The following CHST8 variants were observed in gnomAD, a reference collection of about 807,000 sequenced individuals.
CHST8 encodes the protein carbohydrate sulfotransferase 8, also known as GALNAC-4-ST1.
CHST8 carries 10 observed loss-of-function variants against 15.0 expected under a neutral mutation model. The observed-to-expected ratio is 0.67, with a 90% CI of 0.41 to 1.13. The LOEUF is 1.13. Ranked by LOEUF, CHST8 falls within the 50% of genes most tolerant of loss-of-function variation. The probability of loss-of-function intolerance (pLI) is 0.00; values close to 1 mark genes in which losing one functional copy is unlikely to be tolerated. For synonymous variants in CHST8, 259 were observed against 256.6 expected (o/e 1.01, Z -0.09); for missense variants, 634 against 608.2 (o/e 1.04, Z -0.45).
At chr19:33,683,172 C>T (rs1041697156) in intron 2 of CHST8, among the ~76,000 whole-genome samples, 1 of 152,204 alleles carries the variant, frequency 6.6e-6, no homozygotes, top group Non-Finnish European at 1.5e-5. Flanking sequence ...CAACCAGACC[C>T]CACCTCCAAC....
intron 1 of CHST8, among the ~76,000 whole-genome samples, chr19:33,644,580 A>AT (rs1000774416): frequency 1.3e-5 from 2 of 151,490 alleles, no homozygotes; most frequent in South Asian, 2.1e-4. Context: ...AAAAAAAAAA[A>AT]TTTTTTTTTA....
chr19:33,632,565 G>A (rs1417087292), intron 1 of CHST8, among the ~76,000 whole-genome samples: 2 of 152,062 alleles, frequency 1.3e-5, no homozygotes, highest in Non-Finnish European at 2.9e-5. Context: ...ACAGAAAAGC[G>A]AACAGATCCT....
intron 1 of CHST8, among the ~76,000 whole-genome samples, chr19:33,642,762 A>G (rs1007985795): frequency 1.3e-5 from 2 of 152,270 alleles, no homozygotes; most frequent in Non-Finnish European, 2.9e-5. Flanking sequence ...GTGTTGGCAT[A>G]CATTGTCCCA....
chr19:33,695,077 G>A (rs775552124), intron 3 of CHST8, among the ~76,000 whole-genome samples: 16 of 151,808 alleles, frequency 1.1e-4, no homozygotes, highest in East Asian at 1.9e-4. Flanking sequence ...TACCTGAGCC[G>A]CTGAGACCAC....
intron 1 of CHST8, among the ~76,000 whole-genome samples, chr19:33,624,116 G>T (rs374049636): frequency 6.6e-6 from 1 of 152,136 alleles, no homozygotes; most frequent in East Asian, 1.9e-4. Context: ...AATCAGACTC[G>T]GCAAGAGTGA....
chr19:33,737,703 G>T (rs1426261812), intron 3 of CHST8, among the ~76,000 whole-genome samples: 1 of 151,988 alleles, frequency 6.6e-6, no homozygotes, highest in East Asian at 1.9e-4. Context: ...GTCCTCCTAG[G>T]TCCTCCTAGG....
chr19:33,722,482 A>G (rs1405424549), intron 3 of CHST8, among the ~76,000 whole-genome samples: 1 of 152,186 alleles, frequency 6.6e-6, no homozygotes, highest in East Asian at 1.9e-4. Flanking sequence ...CTCTCAGGAA[A>G]CAGGTTGAAA....
intron 1 of CHST8, among the ~76,000 whole-genome samples, chr19:33,623,741 T>C (rs1476538123): frequency 6.6e-6 from 1 of 152,186 alleles, no homozygotes; most frequent in Admixed American, 6.5e-5. Flanking sequence ...CTGCCCACCC[T>C]GTGCCCTGTC....
intron 3 of CHST8, among the ~76,000 whole-genome samples, chr19:33,741,153 G>A (rs1974182761): frequency 6.6e-6 from 1 of 152,322 alleles, no homozygotes; most frequent in African/African-American, 2.4e-5. Context: ...CTGGCCTGCT[G>A]CTGCTGTCAA....
At chr19:33,706,660 C>T (rs916407558) in intron 3 of CHST8, among the ~76,000 whole-genome samples, 1 of 152,190 alleles carries the variant, frequency 6.6e-6, no homozygotes, top group African/African-American at 2.4e-5. Context: ...TAACCCCTTG[C>T]CCACGACCCG....
intron 3 of CHST8, among the ~76,000 whole-genome samples, chr19:33,748,911 G>A (rs1397662333): frequency 6.6e-6 from 1 of 152,152 alleles, no homozygotes; most frequent in Non-Finnish European, 1.5e-5. Context: ...GAAGGCATCA[G>A]GACCGAAGGC....
intron 3 of CHST8, among the ~76,000 whole-genome samples, chr19:33,722,384 TA>T (rs1267618554): frequency 2.0e-5 from 3 of 151,988 alleles, no homozygotes; most frequent in African/African-American, 4.8e-5. Flanking sequence ...GACGGATGGG[TA>T]GGTACATGTA....
At chr19:33,687,929 C>A (rs1973014384) in intron 2 of CHST8, among the ~76,000 whole-genome samples, 1 of 152,332 alleles carries the variant, frequency 6.6e-6, no homozygotes, top group Middle Eastern at 3.4e-3. Context: ...AACAGCCACC[C>A]AGCTGTGGCC....
At chr19:33,730,309 A>G (rs761817516) in intron 3 of CHST8, among the ~76,000 whole-genome samples, 2 of 152,256 alleles carry the variant, frequency 1.3e-5, no homozygotes, top group African/African-American at 4.8e-5. Flanking sequence ...GCAAGGTTGA[A>G]GCAGGGAGAC....
intron 1 of CHST8, among the ~76,000 whole-genome samples, chr19:33,650,892 A>G (rs1972439943): frequency 6.6e-6 from 1 of 152,078 alleles, no homozygotes; most frequent in Non-Finnish European, 1.5e-5. Flanking sequence ...TATTTTTAGT[A>G]GAGATGGGGG....
chr19:33,662,063 C>CT (rs1307299331), intron 1 of CHST8, among the ~76,000 whole-genome samples: 1 of 151,576 alleles, frequency 6.6e-6, no homozygotes, highest in African/African-American at 2.4e-5. Context: ...AGGATGATTT[C>CT]TTTTTTTTCT....
rs538672799 is a variant in CHST8 at position 33,639,400 on chromosome 19, G to A, written c.-164+17104G>A. Among the ~76,000 whole-genome samples the A allele has an allele frequency of 1.1e-3, 161 of 152,240 alleles. 1 individual carries two copies. The highest frequency in any genetic ancestry group is 3.8e-3 in the African/African-American group (157 of 41,552). On this transcript the variant is annotated intron_variant, in intron 1 of 4. Transcript: ENST00000650847. The stretch of plus-strand genomic sequence containing the variant: ...GGGGCATGGCACTGGGATGGTGTGG[G>A]GGCTGCAGAGGTGGCCAGGAGGAGC...
chr19:33,629,830 AGG>A (rs911884242), intron 1 of CHST8, among the ~76,000 whole-genome samples: 7 of 152,216 alleles, frequency 4.6e-5, no homozygotes, highest in African/African-American at 1.7e-4. Context: ...GCCCCCTCCC[AGG>A]GCTGATTCCT....
rs185846153 is a variant in CHST8, at chr19:33,745,197, G to A, written c.131-26216G>A. Among the ~76,000 whole-genome samples the A allele has an allele frequency of 2.2e-3, 339 of 152,292 alleles. 1 individual carries two copies. The highest frequency in any genetic ancestry group is 2.9e-3 in the Non-Finnish European group (200 of 68,014). ...AGTGCCTGGCCTCTGCTACTCTTAA[G>A]TCTTGAGACCTGTCCTCTTGCTGGA... On this transcript the variant is annotated intron_variant, in intron 3 of 4. Coordinates refer to ENST00000650847, the MANE Select transcript of CHST8 (RefSeq NM_001127895.2).
Sources: gnomAD v4.1 joint callset for allele counts (sites outside exome capture counted in the v4.1 genomes callset) on GRCh38, gnomAD v4.1.1 for gene constraint, MANE v1.5 for transcripts, NCBI Gene and HGNC (gene_info 2026-07-23, HGNC 2026-07-21) for gene names.